ZNF782: variants seen among roughly 807,000 people sequenced by gnomAD.
ZNF782 encodes the protein zinc finger protein 782.
Under a neutral mutation model 13.0 loss-of-function variants are expected in ZNF782, and 12 were observed. The observed-to-expected ratio is 0.92, with a 90% CI of 0.59 to 1.50. The LOEUF (loss-of-function observed/expected upper bound fraction) is 1.50, where lower values mean the gene tolerates loss of function less well. ZNF782 is among the 40% of genes most tolerant of loss of function. ZNF782 has a pLI of 0.00. For synonymous variants in ZNF782, 284 were observed against 283.0 expected, an observed-to-expected ratio of 1.00 and a Z score of -0.04; for missense variants, 770 against 822.9, an observed-to-expected ratio of 0.94 and a Z score of 0.79.
In ZNF782 at chr9:96,847,530, T is replaced by C. The variant is rs542361805; in HGVS notation, c.16-2514A>G. Among the ~76,000 whole-genome samples, 15 of 152,282 alleles carry C rather than the reference T, an allele frequency of 9.9e-5. No homozygotes were observed. The East Asian group carries it at 2.7e-3, about 27-fold the overall frequency. On this transcript the variant is annotated intron_variant, in intron 3 of 5. Transcript: ENST00000481138. Reference sequence around the variant, plus strand: ...TACAAAAGATCTTTCAAGACTACTATGAACGCCTTCATGTGCACAAACTAG... The same window carrying C: ...TACAAAAGATCTTTCAAGACTACTACGAACGCCTTCATGTGCACAAACTAG...
chr9:96,917,621 G>A, the ZNF782 span, among the ~76,000 whole-genome samples: 2 of 151,582 alleles, frequency 1.3e-5, no homozygotes, highest in Non-Finnish European at 2.9e-5. Flanking sequence ...TAGTAGAGAC[G>A]GAGTTTCACT....
chr9:96,907,902 A>G, the ZNF782 span, among the ~76,000 whole-genome samples: 1 of 151,714 alleles, frequency 6.6e-6, no homozygotes, highest in Admixed American at 6.6e-5. Context: ...TGGCCTCCCA[A>G]AGTGCTGGGA....
At chr9:96,927,515 T>G in the ZNF782 span, among the ~76,000 whole-genome samples, 1 of 152,124 alleles carries the variant, frequency 6.6e-6, no homozygotes. Flanking sequence ...AGAATCTTTT[T>G]GTGGTGCAGC....
the ZNF782 span, among the ~76,000 whole-genome samples, chr9:96,898,308 C>T: frequency 6.7e-6 from 1 of 148,708 alleles, no homozygotes; most frequent in Admixed American, 6.6e-5. Context: ...CTCGCTGTTC[C>T]CTCCTACCCC....
rs546660287 is a variant in ZNF782 at position 96,861,335 on chromosome 9, C to G, written c.-381+193G>C. ...CAGAATGGGGGAAGATATTTGAAAA[C>G]TATCTGACAAGGGATTAATTACCAG... On this transcript the variant is annotated intron_variant, in intron 2 of 5. Coordinates refer to the ZNF782 transcript ENST00000498811. Among the ~76,000 whole-genome samples, 338 of 152,266 alleles carry G rather than the reference C, an allele frequency of 2.2e-3. 4 individuals are homozygous for G. The highest frequency in any genetic ancestry group is 2.6e-3 in the Non-Finnish European group (175 of 68,028).
At chr9:96,827,996 C>T (rs186272915) in intron 4 of ZNF782, among the ~76,000 whole-genome samples, 2 of 152,298 alleles carry the variant, frequency 1.3e-5, no homozygotes, top group Admixed American at 1.3e-4. Flanking sequence ...TAAGGAAGCC[C>T]TGGCAACTAG....
the ZNF782 span, chr9:96,919,075 T>A: frequency 4.7e-6 from 1 of 212,856 alleles, no homozygotes; most frequent in South Asian, 9.7e-5. Context: ...CATCAGCAGC[T>A]GCAGGGCAGG....
intron 5 of ZNF782, among the ~76,000 whole-genome samples, chr9:96,823,909 T>C (rs1164519584): frequency 6.6e-6 from 1 of 152,124 alleles, no homozygotes; most frequent in East Asian, 1.9e-4. Flanking sequence ...GTGGCAATAA[T>C]CAATAGCTTA....
At chr9:96,885,939 C>T in the ZNF782 span, among the ~76,000 whole-genome samples, 1 of 152,022 alleles carries the variant, frequency 6.6e-6, no homozygotes, top group African/African-American at 2.4e-5. Flanking sequence ...CCTCAACCTC[C>T]CAGGCTCAAG....
chr9:96,925,361 G>T, the ZNF782 span, among the ~76,000 whole-genome samples: 1 of 152,064 alleles, frequency 6.6e-6, no homozygotes, highest in Non-Finnish European at 1.5e-5. Context: ...AGTCTGACCG[G>T]GCGCGGTGGC....
chr9:96,857,669 T>C (rs933426160), upstream of ZNF782, among the ~76,000 whole-genome samples: 3 of 152,220 alleles, frequency 2.0e-5, no homozygotes, highest in African/African-American at 7.2e-5. Context: ...AACTGCAGGC[T>C]CTCTGAGAAC....
chr9:96,885,439 A>C, the ZNF782 span, among the ~76,000 whole-genome samples: 1 of 152,188 alleles, frequency 6.6e-6, no homozygotes, highest in Non-Finnish European at 1.5e-5. Context: ...AAATTTACCC[A>C]ATGTGAGCAG....
At chr9:96,920,195 G>A in the ZNF782 span, among the ~76,000 whole-genome samples, 3 of 149,970 alleles carry the variant, frequency 2.0e-5, 1 homozygote, top group Non-Finnish European at 4.4e-5. Context: ...TTATTAGAAC[G>A]AGGCAGAGTA....
intron 5 of ZNF782, among the ~76,000 whole-genome samples, chr9:96,825,045 G>GA (rs1169169749): frequency 1.3e-5 from 2 of 150,468 alleles, no homozygotes; most frequent in African/African-American, 4.9e-5. Flanking sequence ...CACAGAATTG[G>GA]AAAAAACTAC....
chr9:96,823,823 T>C (rs1008584867), intron 5 of ZNF782, among the ~76,000 whole-genome samples: 1 of 152,242 alleles, frequency 6.6e-6, no homozygotes, highest in Non-Finnish European at 1.5e-5. Context: ...TGTCTTACTC[T>C]ACGTTATGCC....
At chr9:96,911,245 C>T in the ZNF782 span, among the ~76,000 whole-genome samples, 6 of 143,554 alleles carry the variant, frequency 4.2e-5, no homozygotes, top group Non-Finnish European at 9.2e-5. Context: ...GGAGACCATC[C>T]TGGCTAACAC....
At chr9:96,824,354 AC>A (rs1366071759) in intron 5 of ZNF782, among the ~76,000 whole-genome samples, 30 of 147,066 alleles carry the variant, frequency 2.0e-4, no homozygotes, top group East Asian at 4.0e-4. Context: ...AAATTCAACA[AC>A]CCTTCATGCT....
chr9:96,896,532 G>C, the ZNF782 span, among the ~76,000 whole-genome samples: 1 of 152,094 alleles, frequency 6.6e-6, no homozygotes, highest in Non-Finnish European at 1.5e-5. Flanking sequence ...GAGTCTAGTG[G>C]TCGAGATATC....
chr9:96,924,056 G>A, the ZNF782 span, among the ~76,000 whole-genome samples: 2 of 152,000 alleles, frequency 1.3e-5, no homozygotes, highest in African/African-American at 2.4e-5. Context: ...GGCTGGTCTT[G>A]AACTCCTGAC....
Sources: gnomAD v4.1 joint callset for allele counts (sites outside exome capture counted in the v4.1 genomes callset) on GRCh38, gnomAD v4.1.1 for gene constraint, MANE v1.5 for transcripts, NCBI Gene and HGNC (gene_info 2026-07-23, HGNC 2026-07-21) for gene names.